SNAP29: variants seen among roughly 807,000 people sequenced by gnomAD.
SNAP29 encodes the protein synaptosomal-associated protein 29.
In SNAP29, 13 loss-of-function variants were observed where a neutral mutation model predicts 27.9. That is an observed-to-expected ratio of 0.47 (90% CI 0.30 to 0.74). The LOEUF (loss-of-function observed/expected upper bound fraction) is 0.74, where lower values mean the gene tolerates loss of function less well. Ranked by LOEUF, SNAP29 falls within the 30% of genes least tolerant of loss-of-function variation. SNAP29 has a pLI of 0.06. For missense variants in SNAP29, 368 were observed against 336.5 expected (o/e 1.09, Z -0.73); for synonymous variants, 119 against 127.1 (o/e 0.94, Z 0.43).
intron 4 of SNAP29, among the ~76,000 whole-genome samples, chr22:20,885,748 G>A (rs1172251942): frequency 6.6e-6 from 1 of 152,246 alleles, no homozygotes; most frequent in African/African-American, 2.4e-5. Context: ...AGAGTAGGAG[G>A]TGGGCCTGGG....
intron 2 of SNAP29, among the ~76,000 whole-genome samples, chr22:20,876,680 G>C (rs1928754122): frequency 6.7e-6 from 1 of 149,580 alleles, no homozygotes. Flanking sequence ...CCATTCTCCT[G>C]CCTCAGCTTC....
chr22:20,867,522 G>T (rs185677407), intron 1 of SNAP29, among the ~76,000 whole-genome samples: 1 of 152,096 alleles, frequency 6.6e-6, no homozygotes. Flanking sequence ...CATTAAGTCC[G>T]GTCATTTCCT....
intron 2 of SNAP29, among the ~76,000 whole-genome samples, chr22:20,872,469 C>T (rs165863): frequency 0.49 from 73,947 of 151,500 alleles, 18,526 homozygotes; most frequent in African/African-American, 0.59. Flanking sequence ...GGTGCGATCT[C>T]GGCTCACTGC....
chr22:20,887,233 A>G (rs903301234), intron 4 of SNAP29, among the ~76,000 whole-genome samples: 1 of 151,886 alleles, frequency 6.6e-6, no homozygotes, highest in South Asian at 2.1e-4. Flanking sequence ...TCAAAAAAAA[A>G]AAAAACAAAA....
chr22:20,871,482 TAAAAAAAAA>T (rs58294079), intron 2 of SNAP29, among the ~76,000 whole-genome samples: 4 of 64,132 alleles, frequency 6.2e-5, no homozygotes, highest in African/African-American at 2.5e-4. Context: ...TCCCTGTCTC[TAAAAAAAAA>T]AAAAAAAAAA....
intron 4 of SNAP29, among the ~76,000 whole-genome samples, chr22:20,885,255 C>A (rs1041588327): frequency 6.6e-6 from 1 of 152,132 alleles, no homozygotes; most frequent in African/African-American, 2.4e-5. Context: ...TCTCCCACCC[C>A]CTGTTAGGAG....
intron 1 of SNAP29, among the ~76,000 whole-genome samples, chr22:20,864,366 A>T (rs148230714): frequency 2.9e-3 from 446 of 152,262 alleles, no homozygotes; most frequent in Admixed American, 5.2e-3. Context: ...TTTCCAGCAC[A>T]CAACAGTCAC....
Position 20,887,838 on chromosome 22 carries a change from G to A in SNAP29, c.*2G>A. On this transcript the variant is annotated 3_prime_UTR_variant, in exon 5 of 5. Coordinates refer to ENST00000215730, the MANE Select transcript of SNAP29 (RefSeq NM_004782.4). ...GAAAGAAAAGTTCGACAACTCTGAA[G>A]ACAGACGGATTTCCACTCTATTGTG... 1.2e-6 allele frequency: 2 copies of A among 1,613,804 alleles called. No individual in the cohort carries two copies. Among genetic ancestry groups the A allele is most frequent in the Non-Finnish European group, 8.5e-7 (1 of 1,179,752 alleles).
At chr22:20,870,111 G>A (rs765800546) in intron 1 of SNAP29, among the ~76,000 whole-genome samples, 5 of 152,090 alleles carry the variant, frequency 3.3e-5, no homozygotes, top group African/African-American at 4.8e-5. Context: ...AGCCTCTCAG[G>A]AAAAGGGTCT....
At chr22:20,862,614 T>C (rs1481418757) in intron 1 of SNAP29, among the ~76,000 whole-genome samples, 6 of 152,206 alleles carry the variant, frequency 3.9e-5, no homozygotes, top group Admixed American at 3.9e-4. Context: ...TGCCCCGTGC[T>C]GCCCCCAAAG....
chr22:20,874,517 A>G (rs929252062), intron 2 of SNAP29, among the ~76,000 whole-genome samples: 1 of 150,888 alleles, frequency 6.6e-6, no homozygotes, highest in Admixed American at 6.6e-5. Context: ...TGAGCCTACA[A>G]TGAGCTATGA....
chr22:20,879,473 A>G (rs1928835554), intron 2 of SNAP29, among the ~76,000 whole-genome samples: 1 of 151,920 alleles, frequency 6.6e-6, no homozygotes, highest in African/African-American at 2.4e-5. Flanking sequence ...CGGGAGATGG[A>G]GGTTGCAGTA....
intron 1 of SNAP29, among the ~76,000 whole-genome samples, chr22:20,867,207 G>A (rs1221815539): frequency 6.6e-6 from 1 of 152,150 alleles, no homozygotes; most frequent in African/African-American, 2.4e-5. Flanking sequence ...AAACAAGGAA[G>A]CACTTTGCAT....
intron 3 of SNAP29, among the ~76,000 whole-genome samples, chr22:20,882,842 G>A (rs764701001): frequency 2.1e-4 from 32 of 152,194 alleles, no homozygotes; most frequent in African/African-American, 7.2e-4. Context: ...TCTAGAAAGT[G>A]AAGTTTCCCT....
rs1451193557 is a variant in SNAP29 at position 20,891,097 on chromosome 22, C to T, written c.*3261C>T. The T allele has an allele frequency of 6.6e-6, 1 of 152,050 alleles. No homozygotes were observed. Among genetic ancestry groups the T allele is most frequent in the African/African-American group, 2.4e-5 (1 of 41,400 alleles). The allele number at this position is 152,050 out of a possible 1,614,324, so 9.4% of individuals were successfully genotyped here. ...GTCCTTCGAGAAAGTTTTCTAACAT[C>T]TAGTAATTTGTAACTTAGAAGTGGA... On this transcript the variant is annotated 3_prime_UTR_variant, in exon 5 of 5. Transcript: ENST00000215730.
At chr22:20,859,494 C>T in intron 1 of SNAP29, 147 bp downstream of exon 1, 2 of 694,524 alleles carry the variant, frequency 2.9e-6, no homozygotes, top group Non-Finnish European at 5.3e-6. Flanking sequence ...TGGTAACAAT[C>T]TGTTAACTAT....
At chr22:20,884,818 C>T (rs1405293446) in intron 4 of SNAP29, among the ~76,000 whole-genome samples, 2 of 152,052 alleles carry the variant, frequency 1.3e-5, no homozygotes, top group Admixed American at 1.3e-4. Context: ...TTTTGTTGCC[C>T]AGGCTGCAGT....
At chr22:20,879,107 A>G (rs1404104444) in intron 2 of SNAP29, among the ~76,000 whole-genome samples, 2 of 152,084 alleles carry the variant, frequency 1.3e-5, no homozygotes, top group Admixed American at 6.6e-5. Flanking sequence ...GGAGATCGAG[A>G]CCATTCCGGC....
At chr22:20,877,701 G>A (rs1928781624) in intron 2 of SNAP29, among the ~76,000 whole-genome samples, 1 of 152,182 alleles carries the variant, frequency 6.6e-6, no homozygotes, top group African/African-American at 2.4e-5. Flanking sequence ...GGGAGACAGA[G>A]CTAGACTCCG....
Sources: gnomAD v4.1 joint callset for allele counts (sites outside exome capture counted in the v4.1 genomes callset) on GRCh38, gnomAD v4.1.1 for gene constraint, MANE v1.5 for transcripts, NCBI Gene and HGNC (gene_info 2026-07-23, HGNC 2026-07-21) for gene names.